Variants in CLEC19A observed in about 807,000 individuals in gnomAD.
CLEC19A encodes C-type lectin domain family 19 member A.
CLEC19A carries 21 observed loss-of-function variants against 26.1 expected under a neutral mutation model. That is an observed-to-expected ratio of 0.80 (90% confidence interval 0.57 to 1.16). The LOEUF is 1.16. Ranked by LOEUF, CLEC19A falls within the 50% of genes most tolerant of loss-of-function variation. CLEC19A has a pLI of 0.00. For missense variants in CLEC19A, 224 were observed against 227.6 expected (o/e 0.98, Z 0.10); for synonymous variants, 89 against 88.6 (o/e 1.00, Z -0.03).
rs1897750411 is a variant in CLEC19A, at chr16:19,298,454, C to A, written c.89-219C>A. Among the ~76,000 whole-genome samples the A allele has an allele frequency of 2.6e-5, 4 of 152,008 alleles. No homozygotes were observed. In the South Asian group the frequency reaches 8.3e-4, roughly 32 times the overall value. ...TGGTGGTGCACACCTGTGGTCCCAG[C>A]TACTCAGGAGGCTGAGGTGGGAGTA... On this transcript the variant is annotated intron_variant, in intron 1 of 4. Coordinates refer to ENST00000636231, the MANE Select transcript of CLEC19A (RefSeq NM_001256720.2).
At chr16:19,304,008 A>T in intron 2 of CLEC19A, 54 bp from the exon 3 acceptor site, 1 of 1,420,790 alleles carries the variant, frequency 7.0e-7, no homozygotes, top group South Asian at 1.2e-5. Context: ...TTTTGACTCC[A>T]TCCTATGAAA....
intron 2 of CLEC19A, among the ~76,000 whole-genome samples, chr16:19,301,291 A>G (rs1897814120): frequency 6.6e-6 from 1 of 152,150 alleles, no homozygotes; most frequent in African/African-American, 2.4e-5. Context: ...GCTGTCAAGG[A>G]TTGGATAGAA....
In CLEC19A at chr16:19,307,627, C is replaced by T. The variant is rs753577991; in HGVS notation, c.431C>T (p.Ala144Val). ...DGSQPDDGVHADPEEEDCVQI... is the reference protein window; with the variant it reads ...DGSQPDDGVHVDPEEEDCVQI... ...AGCCAGCCAGATGATGGCGTCCACG[C>T]GGACCCAGAAGAAGAGGACTGCGTG... The change falls in exon 4 of 5, where the codon GCG becomes GTG. Residue 144 changes from alanine to valine, a missense_variant. By Grantham distance (64) the Ala-to-Val change is moderately conservative. Coordinates refer to ENST00000636231, the MANE Select transcript of CLEC19A (RefSeq NM_001256720.2). 6.7e-5 allele frequency: 103 copies of T among 1,548,200 alleles called. 1 individual carries two copies. The highest frequency in any genetic ancestry group is 2.3e-4 in the Middle Eastern group (1 of 4,380).
At chr16:19,290,347 C>G (rs897016234) in intron 1 of CLEC19A, among the ~76,000 whole-genome samples, 19 of 151,888 alleles carry the variant, frequency 1.3e-4, no homozygotes, top group Non-Finnish European at 2.4e-4. Flanking sequence ...CCCTCCACTT[C>G]CCCTCCCCCA....
intron 4 of CLEC19A, among the ~76,000 whole-genome samples, chr16:19,308,360 G>A (rs920423893): frequency 4.6e-5 from 7 of 152,078 alleles, no homozygotes; most frequent in Non-Finnish European, 8.8e-5. Flanking sequence ...TAACCTCTTG[G>A]TGCCTCAGAT....
chr16:19,287,140 C>G (rs149819447), intron 1 of CLEC19A, among the ~76,000 whole-genome samples: 123 of 151,854 alleles, frequency 8.1e-4, no homozygotes, highest in East Asian at 4.1e-3. Context: ...TATTCATCAG[C>G]TCAGGCTGCG....
intron 2 of CLEC19A, among the ~76,000 whole-genome samples, chr16:19,300,501 T>C (rs1333555084): frequency 6.6e-6 from 1 of 151,514 alleles, no homozygotes; most frequent in Non-Finnish European, 1.5e-5. Flanking sequence ...TGAGCCATGT[T>C]CAGGCCACTG....
chr16:19,310,716 G>A lies in CLEC19A; in HGVS notation c.*1633G>A, dbSNP rs1055842119. 1 of 152,188 alleles carries A rather than the reference G, an allele frequency of 6.6e-6. No individual in the cohort carries two copies. The highest frequency in any genetic ancestry group is 1.5e-5 in the Non-Finnish European group (1 of 68,036). 9.4% of individuals were successfully genotyped at this position (152,188 alleles called of 1,614,324 possible). A position where few individuals can be genotyped will look rare whatever the true frequency, so the allele number is the denominator to read the frequency against. On this transcript the variant is annotated 3_prime_UTR_variant, in exon 5 of 5. Transcript: ENST00000636231. ...ACATGTTGTATGATTCCATATATAT[G>A]AAATATCCAGAATAGGCAAGTCTAT...
intron 2 of CLEC19A, among the ~76,000 whole-genome samples, chr16:19,301,736 G>GTTTTTTTTGTTT (rs1897829512): frequency 1.2e-5 from 1 of 81,498 alleles, no homozygotes. Flanking sequence ...GGTTTTTTTG[G>GTTTTTTTTGTTT]TTTTTTTTTT....
chr16:19,296,663 TG>T (rs1897711719), intron 1 of CLEC19A, among the ~76,000 whole-genome samples: 1 of 152,216 alleles, frequency 6.6e-6, no homozygotes, highest in Admixed American at 6.5e-5. Context: ...AGGATGATCT[TG>T]GGCGAGTTAC....
intron 2 of CLEC19A, among the ~76,000 whole-genome samples, chr16:19,302,482 A>G (rs1422785808): frequency 6.6e-6 from 1 of 152,194 alleles, no homozygotes. Context: ...ATGGGAGCAG[A>G]TACATGTTGT....
At chr16:19,300,045 G>A (rs1001251621) in intron 2 of CLEC19A, among the ~76,000 whole-genome samples, 20 of 152,048 alleles carry the variant, frequency 1.3e-4, no homozygotes, top group African/African-American at 4.3e-4. Flanking sequence ...CTAACATGGC[G>A]AAACCCCATC....
intron 3 of CLEC19A, chr16:19,304,474 TG>T: frequency 4.5e-6 from 1 of 221,326 alleles, no homozygotes; most frequent in South Asian, 7.0e-5. Flanking sequence ...AGGCTGAGGC[TG>T]GTGGATCACG....
chr16:19,297,567 A>G (rs1897732164), intron 1 of CLEC19A, among the ~76,000 whole-genome samples: 1 of 152,370 alleles, frequency 6.6e-6, no homozygotes, highest in African/African-American at 2.4e-5. Flanking sequence ...GAAAAAACAG[A>G]GAAACTATCT....
At position 19,309,155 on chromosome 16, in the gene CLEC19A, A is replaced by G; in HGVS notation, c.*72A>G. The G allele has an allele frequency of 9.0e-7, 1 of 1,107,594 alleles. No homozygotes were observed. Among genetic ancestry groups the G allele is most frequent in the Non-Finnish European group, 1.3e-6 (1 of 748,078 alleles). The allele number at this position is 1,107,594 out of a possible 1,614,324, so 68.6% of individuals were successfully genotyped here. On this transcript the variant is annotated 3_prime_UTR_variant, in exon 5 of 5. Transcript: ENST00000636231. ...TAGCTGTAACCAGTGTAGAATTGAC[A>G]TTGAATACATGTAAAACATACATAG...
At chr16:19,292,178 A>G (rs1011329030) in intron 1 of CLEC19A, among the ~76,000 whole-genome samples, 2 of 152,138 alleles carry the variant, frequency 1.3e-5, no homozygotes, top group Non-Finnish European at 2.9e-5. Context: ...CAGTAATTCT[A>G]CAGGCTCCAT....
At position 19,290,139 on chromosome 16, in the gene CLEC19A, G is replaced by T. The variant is rs148793716; in HGVS notation, c.88+4200G>T. On this transcript the variant is annotated intron_variant, in intron 1 of 4. Coordinates refer to ENST00000636231, the MANE Select transcript of CLEC19A (RefSeq NM_001256720.2). ...TTATTCCTTTAAAAAGAGTGGGGGT[G>T]GGGGGGAGCCCTGAGTTCCACTGAT... Among the ~76,000 whole-genome samples the T allele has an allele frequency of 9.2e-5, 14 of 152,042 alleles. No individual in the cohort carries two copies. The East Asian group carries it at 1.7e-3, about 19-fold the overall frequency.
intron 4 of CLEC19A, among the ~76,000 whole-genome samples, 167 bp downstream of exon 4, chr16:19,307,844 G>A (rs1897990810): frequency 6.6e-6 from 1 of 152,200 alleles, no homozygotes; most frequent in Non-Finnish European, 1.5e-5. Context: ...CGGGGGCATG[G>A]CCATTCGCCA....
chr16:19,299,288 C>T (rs748725237), intron 2 of CLEC19A, among the ~76,000 whole-genome samples: 2 of 152,214 alleles, frequency 1.3e-5, no homozygotes, highest in Admixed American at 6.5e-5. Context: ...ATAACTGATA[C>T]TTATTTGCTG....
Sources: allele counts gnomAD v4.1 joint callset (sites outside exome capture counted in the v4.1 genomes callset), GRCh38; gene constraint gnomAD v4.1.1; transcripts MANE v1.5; gene names NCBI Gene and HGNC (gene_info 2026-07-23, HGNC 2026-07-21).